The following C8A variants were observed in gnomAD, a reference collection of about 807,000 sequenced individuals.
C8A encodes complement component C8 alpha chain.
C8A carries 67 observed loss-of-function variants against 65.3 expected under a neutral mutation model. The observed-to-expected ratio is 1.03, with a 90% CI of 0.84 to 1.26. The LOEUF (loss-of-function observed/expected upper bound fraction) is 1.26. C8A is among the 50% of genes most tolerant of loss of function. The probability of loss-of-function intolerance (pLI) is 0.00; values close to 1 mark genes in which losing one functional copy is unlikely to be tolerated. For synonymous variants in C8A, 290 were observed against 259.4 expected, an observed-to-expected ratio of 1.12 and a Z score of -1.13; for missense variants, 781 against 723.9, an observed-to-expected ratio of 1.08 and a Z score of -0.90.
chr1:56,906,851 A>T, intron 8 of C8A, 59 bp downstream of exon 8: 4 of 1,604,628 alleles, frequency 2.5e-6, no homozygotes, highest in South Asian at 2.2e-5. Context: ...TTGGACACAC[A>T]CTGGGACATG....
intron 7 of C8A, among the ~76,000 whole-genome samples, chr1:56,888,983 C>T (rs1644323257): frequency 6.6e-6 from 1 of 152,140 alleles, no homozygotes; most frequent in Admixed American, 6.6e-5. Context: ...TTCATTTGGG[C>T]TCCCGTCTTT....
chr1:56,909,450 T>G (rs1557715652), intron 9 of C8A, among the ~76,000 whole-genome samples: 1 of 152,242 alleles, frequency 6.6e-6, no homozygotes, highest in Non-Finnish European at 1.5e-5. Flanking sequence ...AGAGACCATT[T>G]TCATGCAACT....
At chr1:56,876,465 C>T (rs574329346) in intron 4 of C8A, among the ~76,000 whole-genome samples, 16 of 151,922 alleles carry the variant, frequency 1.1e-4, no homozygotes, top group South Asian at 8.3e-4. Context: ...CCCTTCACCC[C>T]AGTGCCATTT....
chr1:56,902,478 C>G (rs993267004), intron 7 of C8A, among the ~76,000 whole-genome samples: 1 of 152,144 alleles, frequency 6.6e-6, no homozygotes, highest in Non-Finnish European at 1.5e-5. Context: ...CTTCTCTGAT[C>G]ATTCCCTATT....
intron 4 of C8A, among the ~76,000 whole-genome samples, chr1:56,880,116 A>C (rs190742991): frequency 2.5e-4 from 38 of 152,330 alleles, no homozygotes; most frequent in Admixed American, 2.2e-3. Context: ...TATCTGCAAC[A>C]TAAGAGGCTT....
intron 1 of C8A, among the ~76,000 whole-genome samples, chr1:56,860,226 G>C (rs943345628): frequency 2.6e-5 from 4 of 152,210 alleles, no homozygotes; most frequent in African/African-American, 9.6e-5. Context: ...GAGAAGCCGG[G>C]TGAAGAGCAG....
At chr1:56,889,540 T>A (rs1644328421) in intron 7 of C8A, among the ~76,000 whole-genome samples, 1 of 152,160 alleles carries the variant, frequency 6.6e-6, no homozygotes, top group Admixed American at 6.5e-5. Flanking sequence ...CCCTTTTCTC[T>A]TTCCTCTTTG....
chr1:56,897,239 G>T (rs1644393563), intron 7 of C8A, among the ~76,000 whole-genome samples: 1 of 152,132 alleles, frequency 6.6e-6, no homozygotes, highest in South Asian at 2.1e-4. Context: ...ATTGGGAATT[G>T]TAACTGGGAG....
chr1:56,876,241 A>G (rs1294444036), intron 4 of C8A, 32 bp downstream of exon 4: 1 of 1,613,144 alleles, frequency 6.2e-7, no homozygotes, highest in Non-Finnish European at 8.5e-7. Context: ...ATTTAGGAGC[A>G]GGGAATGATT....
Position 56,901,862 on chromosome 1 carries a change from A to C in C8A, c.1097-4805A>C, listed in dbSNP as rs569014586. 2.6e-5 allele frequency among the ~76,000 whole-genome samples: 4 copies of C among 152,062 alleles called. No individual in the cohort carries two copies. In the East Asian group the frequency reaches 7.8e-4, roughly 30 times the overall value. On this transcript the variant is annotated intron_variant, in intron 7 of 10. Transcript: ENST00000361249. ...TGCCCTGTGTCAGAGTCCTCCTCGC[A>C]CACTACAATAATTATCTGTTTCCTT...
intron 9 of C8A, among the ~76,000 whole-genome samples, chr1:56,909,502 T>G (rs540075723): frequency 3.3e-4 from 50 of 152,344 alleles, no homozygotes; most frequent in Admixed American, 2.7e-3. Flanking sequence ...ATCAAGCTAT[T>G]AGTGATTTGA....
intron 2 of C8A, among the ~76,000 whole-genome samples, chr1:56,868,525 G>A (rs550660147): frequency 6.6e-6 from 1 of 152,116 alleles, no homozygotes; most frequent in Non-Finnish European, 1.5e-5. Context: ...GGCTGAGGCA[G>A]GAGGATCACT....
intron 1 of C8A, among the ~76,000 whole-genome samples, chr1:56,859,569 G>A (rs1393758036): frequency 3.9e-5 from 6 of 152,178 alleles, no homozygotes; most frequent in African/African-American, 1.4e-4. Flanking sequence ...TACATGCTTG[G>A]AACTTAAAGT....
chr1:56,886,948 C>T (rs2101250179), intron 7 of C8A, among the ~76,000 whole-genome samples: 1 of 152,240 alleles, frequency 6.6e-6, no homozygotes, highest in South Asian at 2.1e-4. Context: ...GTCTCCATCC[C>T]AAATCTAACT....
intron 7 of C8A, among the ~76,000 whole-genome samples, chr1:56,888,443 A>G (rs911583728): frequency 1.3e-5 from 2 of 152,160 alleles, no homozygotes; most frequent in Admixed American, 1.3e-4. Context: ...GCATTACAGT[A>G]TTTTTCAAAT....
At chr1:56,885,589 G>A (rs1374262420) in intron 6 of C8A, among the ~76,000 whole-genome samples, 1 of 144,850 alleles carries the variant, frequency 6.9e-6, no homozygotes, top group Admixed American at 7.0e-5. Flanking sequence ...TTGAGGCGGA[G>A]TCTTGCTCTA....
intron 10 of C8A, among the ~76,000 whole-genome samples, chr1:56,915,964 G>T (rs1644547765): frequency 6.6e-6 from 1 of 152,160 alleles, no homozygotes; most frequent in Admixed American, 6.5e-5. Flanking sequence ...TGTGAGCCTT[G>T]CCAGAGTAAT....
rs11804257 is a variant in C8A, at chr1:56,876,157, G to A, written c.412G>A (p.Glu138Lys). 22 of 1,613,914 alleles carry A rather than the reference G, an allele frequency of 1.4e-5. No individual in the cohort carries two copies. The highest frequency in any genetic ancestry group is 1.3e-4 in the African/African-American group (10 of 75,022). ...CTGTGAAGATGTCAGGGCCATTGACGAAGACTGCAGCCAGTATGAACCAAT... is the reference window on the plus strand; with the variant it reads ...CTGTGAAGATGTCAGGGCCATTGACAAAGACTGCAGCCAGTATGAACCAAT... ...DDCEDVRAID[E>K]DCSQYEPIPG... The change falls in exon 4 of 11, where the codon GAA becomes AAA. Residue 138 changes from glutamate (E) to lysine (K), a missense_variant. Physicochemically the swap from Glu to Lys is moderately conservative, Grantham distance 56. Coordinates refer to ENST00000361249, the MANE Select transcript of C8A (RefSeq NM_000562.3).
At chr1:56,900,686 T>A (rs1287867136) in intron 7 of C8A, among the ~76,000 whole-genome samples, 1 of 152,206 alleles carries the variant, frequency 6.6e-6, no homozygotes, top group Non-Finnish European at 1.5e-5. Context: ...GTGATTTGCA[T>A]CTTCAATTAA....
Sources: allele counts gnomAD v4.1 joint callset (sites outside exome capture counted in the v4.1 genomes callset), GRCh38; gene constraint gnomAD v4.1.1; transcripts MANE v1.5; gene names NCBI Gene and HGNC (gene_info 2026-07-23, HGNC 2026-07-21).